The following MAGEC3 variants were observed in gnomAD, a reference collection of about 807,000 sequenced individuals.
MAGEC3 encodes the protein melanoma-associated antigen C3.
A neutral mutation model predicts 35.3 loss-of-function variants in MAGEC3; 34 were observed. The observed-to-expected ratio is 0.96, with a 90% CI of 0.73 to 1.28. The LOEUF (loss-of-function observed/expected upper bound fraction) is 1.28. MAGEC3 is among the 50% of genes most tolerant of loss of function. The pLI is 0.00. For synonymous variants in MAGEC3, 202 were observed against 185.6 expected (o/e 1.09, Z -0.72); for missense variants, 561 against 483.6 (o/e 1.16, Z -1.50).
chrX:141,876,938 T>C (rs1355998684), intron 2 of MAGEC3, among the ~76,000 whole-genome samples: 2 of 112,356 alleles, frequency 1.8e-5, no homozygotes, highest in Admixed American at 9.4e-5. Flanking sequence ...AAACTCTTCA[T>C]TATAGTAGCT....
intron 1 of MAGEC3, among the ~76,000 whole-genome samples, chrX:141,856,625 T>C (rs760176297): frequency 1.8e-5 from 2 of 111,560 alleles, no homozygotes; most frequent in South Asian, 7.5e-4. Flanking sequence ...TGCAGCATTA[T>C]TCACGATAGC....
Position 141,897,277 on chromosome X carries a change from C to A in MAGEC3, c.1519C>A (p.Leu507Ile). 8.3e-7 allele frequency: 1 copy of A among 1,210,136 alleles called. No homozygotes were observed. The highest frequency in any genetic ancestry group is 1.7e-5 in the African/African-American group (1 of 57,350). ...IFGKAHEFIE[L>I]IFGIALTDMD... Reference sequence around the variant, plus strand: ...CGGGAAAGCCCATGAGTTCATAGAGCTAATTTTTGGCATTGCCCTGACTGA... The same window carrying A: ...CGGGAAAGCCCATGAGTTCATAGAGATAATTTTTGGCATTGCCCTGACTGA... The change falls in exon 7 of 8, where the codon CTA becomes ATA. Residue 507 changes from leucine (L) to isoleucine (I), a missense_variant. By Grantham distance (5) the Leu-to-Ile change is conservative. Coordinates refer to ENST00000298296, the MANE Select transcript of MAGEC3 (RefSeq NM_138702.1).
chrX:141,850,823 C>A (rs1220561967), intron 1 of MAGEC3, among the ~76,000 whole-genome samples: 1 of 110,469 alleles, frequency 9.1e-6, no homozygotes, highest in Non-Finnish European at 1.9e-5. Context: ...AAATTTTATG[C>A]CCAAAATTAG....
At chrX:141,843,603 C>G (rs780693812) in intron 1 of MAGEC3, among the ~76,000 whole-genome samples, 1 of 110,645 alleles carries the variant, frequency 9.0e-6, no homozygotes, top group Non-Finnish European at 1.9e-5. Flanking sequence ...AGCAGGTATA[C>G]AACTCCAGAA....
At chrX:141,867,018 A>T (rs2017853320) in intron 2 of MAGEC3, among the ~76,000 whole-genome samples, 1 of 109,432 alleles carries the variant, frequency 9.1e-6, no homozygotes, top group African/African-American at 3.4e-5. Flanking sequence ...TAAAATATAA[A>T]CAAAAGAAAG....
At chrX:141,891,669 A>G (rs987151929) in intron 4 of MAGEC3, among the ~76,000 whole-genome samples, 3 of 103,865 alleles carry the variant, frequency 2.9e-5, no homozygotes, top group African/African-American at 1.1e-4. Flanking sequence ...GTGTGTGTAT[A>G]TATATATGCA....
At chrX:141,881,821 G>A (rs750599352) in intron 4 of MAGEC3, 25 bp downstream of exon 4, 13 of 1,208,443 alleles carry the variant, frequency 1.1e-5, no homozygotes, top group South Asian at 8.8e-5. Flanking sequence ...GGAGCATTTC[G>A]TCTATCGGGA....
At chrX:141,855,818 ATCTT>A (rs1199245260) in intron 1 of MAGEC3, among the ~76,000 whole-genome samples, 1 of 112,021 alleles carries the variant, frequency 8.9e-6, no homozygotes, top group East Asian at 2.8e-4. Flanking sequence ...TTGGAGTATT[ATCTT>A]TCTTTCTATT....
intron 4 of MAGEC3, among the ~76,000 whole-genome samples, chrX:141,886,468 T>C (rs1025150472): frequency 9.0e-6 from 1 of 111,068 alleles, no homozygotes. Flanking sequence ...CTAGGGTAAC[T>C]GTGCACTGGG....
intron 1 of MAGEC3, among the ~76,000 whole-genome samples, chrX:141,847,104 T>G (rs1326452634): frequency 9.0e-6 from 1 of 111,172 alleles, no homozygotes; most frequent in Non-Finnish European, 1.9e-5. Flanking sequence ...TTAGATGAAC[T>G]TTAGAATCAT....
chrX:141,883,151 C>T (rs1044183152), intron 4 of MAGEC3, among the ~76,000 whole-genome samples: 8 of 112,070 alleles, frequency 7.1e-5, no homozygotes, highest in African/African-American at 2.6e-4. Context: ...GTGATTGATA[C>T]CCATCATTTG....
chrX:141,867,538 A>G (rs189933233), intron 2 of MAGEC3, among the ~76,000 whole-genome samples: 94 of 111,841 alleles, frequency 8.4e-4, no homozygotes, highest in Non-Finnish European at 1.0e-3. Context: ...AAACAAACAA[A>G]CGAAAAGAGT....
At chrX:141,839,090 T>C (rs1186991344) in intron 1 of MAGEC3, among the ~76,000 whole-genome samples, 1 of 111,266 alleles carries the variant, frequency 9.0e-6, no homozygotes, top group African/African-American at 3.3e-5. Context: ...TAGGAGTCTA[T>C]AGTGAGAATG....
chrX:141,894,895 A>C, intron 4 of MAGEC3: 2 of 198,876 alleles, frequency 1.0e-5, no homozygotes, highest in Non-Finnish European at 1.3e-5. Context: ...AAGGGGTGGG[A>C]GGGGGCAGGT....
At chrX:141,868,371 T>C (rs2017864523) in intron 2 of MAGEC3, among the ~76,000 whole-genome samples, 1 of 111,872 alleles carries the variant, frequency 8.9e-6, no homozygotes, top group South Asian at 3.7e-4. Context: ...GTTTAAACTG[T>C]AGCAAATAAT....
chrX:141,883,091 C>G (rs1157820740), intron 4 of MAGEC3, among the ~76,000 whole-genome samples: 1 of 111,855 alleles, frequency 8.9e-6, no homozygotes, highest in Non-Finnish European at 1.9e-5. Context: ...GTAATGGAAG[C>G]TGTCTTGCAG....
intron 1 of MAGEC3, among the ~76,000 whole-genome samples, chrX:141,855,222 G>T (rs1222796088): frequency 9.5e-6 from 1 of 105,491 alleles, no homozygotes; most frequent in East Asian, 3.0e-4. Flanking sequence ...GAAGATAGTT[G>T]TTTTTTTTTT....
rs748609969 is a variant in MAGEC3, at chrX:141,865,561, G to A, written c.214G>A (p.Asp72Asn). The A allele has an allele frequency of 3.3e-6, 4 of 1,208,505 alleles. No individual in the cohort carries two copies. In the African/African-American group the frequency reaches 7.0e-5, roughly 21 times the overall value. Reference sequence around the variant, plus strand: ...GCTTTTTCTGAGGGGTGGAACTTCAGATCAGCGAATGGATAGTCTTGTCCT... The same window carrying A: ...GCTTTTTCTGAGGGGTGGAACTTCAAATCAGCGAATGGATAGTCTTGTCCT... Reference protein sequence around the residue: ...VRLFLRGGTSDQRMDSLVLCP... With the variant: ...VRLFLRGGTSNQRMDSLVLCP... The change falls in exon 2 of 8, where the codon GAT becomes AAT. Residue 72 changes from aspartate to asparagine, a missense_variant. Coordinates refer to ENST00000298296, the MANE Select transcript of MAGEC3 (RefSeq NM_138702.1).
At chrX:141,858,043 A>T (rs1192072549) in intron 1 of MAGEC3, among the ~76,000 whole-genome samples, 2 of 111,035 alleles carry the variant, frequency 1.8e-5, no homozygotes, top group East Asian at 2.8e-4. Flanking sequence ...TTGAGGGAGG[A>T]TACTAATTTC....
Sources: gnomAD v4.1 joint callset for allele counts (sites outside exome capture counted in the v4.1 genomes callset) on GRCh38, gnomAD v4.1.1 for gene constraint, MANE v1.5 for transcripts, NCBI Gene and HGNC (gene_info 2026-07-23, HGNC 2026-07-21) for gene names.